The following NELL1 variants were observed in gnomAD, a reference collection of about 807,000 sequenced individuals.
The protein encoded by NELL1 is protein kinase C-binding protein NELL1.
A neutral mutation model predicts 107.4 loss-of-function variants in NELL1; 76 were observed. The ratio of observed to expected loss-of-function variants is 0.71; its 90% CI spans 0.59 to 0.86. The LOEUF is 0.86. Among genes scored for constraint, NELL1 ranks in the 40% least tolerant of loss-of-function variants. The probability of loss-of-function intolerance (pLI) is 0.00; values close to 1 mark genes in which losing one functional copy is unlikely to be tolerated. For missense variants in NELL1, 1,024 were observed against 1,005.5 expected, an observed-to-expected ratio of 1.02 and a Z score of -0.25; for synonymous variants, 353 against 341.2, an observed-to-expected ratio of 1.03 and a Z score of -0.38.
rs748479379 is a variant in NELL1, at chr11:20,960,559, A to G, written c.1299A>G (p.Glu433=). 2.3e-5 allele frequency: 37 copies of G among 1,613,666 alleles called. No individual in the cohort carries two copies. The East Asian group carries it at 8.2e-4, about 36-fold the overall frequency. Residue 433 remains glutamate (E), a splice_region_variant and synonymous_variant, in exon 12 of 20, where the codon GAA becomes GAG. Coordinates refer to ENST00000357134, the MANE Select transcript of NELL1 (RefSeq NM_006157.5). ...TCCAGGGAGACTCTGCCTACTGTGA[A>G]GGTAAGTAAGCTATTTAATGAAGTC... The part of the protein sequence containing the change: ...ISVQGDSAYC[E]DIDECAAKMH...
intron 2 of NELL1, among the ~76,000 whole-genome samples, chr11:20,774,468 G>A (rs1403960324): frequency 6.6e-6 from 1 of 151,070 alleles, no homozygotes; most frequent in Admixed American, 6.6e-5. Flanking sequence ...CTGGGCTCAT[G>A]TTATCCTCCG....
At chr11:20,971,399 G>A (rs1851498633) in intron 12 of NELL1, among the ~76,000 whole-genome samples, 1 of 152,188 alleles carries the variant, frequency 6.6e-6, no homozygotes, top group African/African-American at 2.4e-5. Flanking sequence ...TCAGGGACAA[G>A]TCCAAGTTTT....
chr11:20,905,346 CA>C (rs1849972474), intron 5 of NELL1, among the ~76,000 whole-genome samples: 1 of 152,004 alleles, frequency 6.6e-6, no homozygotes, highest in South Asian at 2.1e-4. Context: ...TTATAACATC[CA>C]AATGTTCAGT....
chr11:21,295,260 A>T (rs977573050), intron 14 of NELL1, among the ~76,000 whole-genome samples: 2 of 152,072 alleles, frequency 1.3e-5, no homozygotes, highest in African/African-American at 2.4e-5. Flanking sequence ...AGGGCACTGG[A>T]GTATAACCAT....
chr11:21,431,435 T>C (rs879430759), intron 15 of NELL1, among the ~76,000 whole-genome samples: 9 of 152,188 alleles, frequency 5.9e-5, no homozygotes, highest in South Asian at 2.1e-4. Context: ...TCACTAATAT[T>C]TCCCAAGTAC....
intron 14 of NELL1, among the ~76,000 whole-genome samples, chr11:21,326,063 T>G (rs1565169133): frequency 2.2e-5 from 2 of 92,380 alleles, no homozygotes; most frequent in Non-Finnish European, 4.5e-5. Flanking sequence ...TTTTTTTTTT[T>G]TTTTTTTTTT....
At chr11:20,931,400 G>A (rs1056062231) in intron 9 of NELL1, among the ~76,000 whole-genome samples, 1 of 152,184 alleles carries the variant, frequency 6.6e-6, no homozygotes. Context: ...TGTTTCCAAT[G>A]TCTTCACATC....
At chr11:21,029,464 C>T (rs188363603) in intron 12 of NELL1, among the ~76,000 whole-genome samples, 1 of 152,060 alleles carries the variant, frequency 6.6e-6, no homozygotes, top group Non-Finnish European at 1.5e-5. Flanking sequence ...CTCCTCCTCT[C>T]CCTCACAATC....
intron 10 of NELL1, 85 bp from the exon 11 acceptor site, chr11:20,947,251 A>G: frequency 1.2e-6 from 1 of 844,894 alleles, no homozygotes; most frequent in Admixed American, 1.8e-5. Flanking sequence ...TTATCACTGC[A>G]GGCTATTAAC....
chr11:21,481,598 G>C (rs1386246585), intron 15 of NELL1, among the ~76,000 whole-genome samples: 7 of 152,170 alleles, frequency 4.6e-5, no homozygotes, highest in South Asian at 2.1e-4. Flanking sequence ...AGATATTAAA[G>C]CTGGAGTCAA....
intron 14 of NELL1, among the ~76,000 whole-genome samples, chr11:21,275,580 T>G (rs1263905256): frequency 6.6e-6 from 1 of 152,132 alleles, no homozygotes; most frequent in Non-Finnish European, 1.5e-5. Context: ...TACCAAAGCC[T>G]GGCAGAGACA....
intron 14 of NELL1, among the ~76,000 whole-genome samples, chr11:21,292,361 C>A (rs895210790): frequency 6.6e-6 from 1 of 152,150 alleles, no homozygotes; most frequent in African/African-American, 2.4e-5. Context: ...CCTAGGAATA[C>A]AACTTATGAG....
Position 21,575,097 on chromosome 11 carries a change from G to T in NELL1, c.*75G>T. On this transcript the variant is annotated 3_prime_UTR_variant, in exon 20 of 20. Coordinates refer to ENST00000357134, the MANE Select transcript of NELL1 (RefSeq NM_006157.5). ...ACGTGATTAAGGATAGGAATCGGTA[G>T]TTTGGTTTTTTTGTTTGTTTTGTTT... 1 of 1,333,694 alleles carries T rather than the reference G, an allele frequency of 7.5e-7. No individual in the cohort carries two copies. The highest frequency in any genetic ancestry group is 1.1e-6 in the Non-Finnish European group (1 of 931,604). The allele number at this position is 1,333,694 out of a possible 1,614,324, so 82.6% of individuals were successfully genotyped here. A position where few individuals can be genotyped will look rare whatever the true frequency, so the allele number is the denominator to read the frequency against.
intron 9 of NELL1, among the ~76,000 whole-genome samples, chr11:20,928,719 T>C (rs58526755): frequency 0.011 from 1,678 of 152,280 alleles, 35 homozygotes; most frequent in African/African-American, 0.038. Flanking sequence ...CTATTCTTCT[T>C]TCATTCTATG....
chr11:20,926,562 A>G (rs1850500539), intron 7 of NELL1, among the ~76,000 whole-genome samples: 1 of 152,216 alleles, frequency 6.6e-6, no homozygotes, highest in South Asian at 2.1e-4. Context: ...GGAGATGTAC[A>G]AAGGCTAGAT....
At chr11:21,392,430 A>G (rs1326759484) in intron 15 of NELL1, among the ~76,000 whole-genome samples, 1 of 151,288 alleles carries the variant, frequency 6.6e-6, no homozygotes, top group East Asian at 2.0e-4. Context: ...TCATTCATCC[A>G]CCTCTTTTCT....
At chr11:21,196,215 G>A (rs879433638) in intron 13 of NELL1, among the ~76,000 whole-genome samples, 8 of 152,118 alleles carry the variant, frequency 5.3e-5, no homozygotes, top group Admixed American at 4.6e-4. Context: ...CCAGCCACTT[G>A]CTGAGCATGT....
At chr11:20,999,429 A>G (rs1408314209) in intron 12 of NELL1, among the ~76,000 whole-genome samples, 2 of 152,110 alleles carry the variant, frequency 1.3e-5, no homozygotes, top group African/African-American at 4.8e-5. Flanking sequence ...AATGGTGACA[A>G]CCACCTGTTG....
At chr11:21,271,499 CA>C (rs1164070521) in intron 14 of NELL1, among the ~76,000 whole-genome samples, 1 of 152,162 alleles carries the variant, frequency 6.6e-6, no homozygotes, top group Non-Finnish European at 1.5e-5. Flanking sequence ...CAGTTTCAAA[CA>C]GAAGCACCAG....
Sources: allele counts gnomAD v4.1 joint callset (sites outside exome capture counted in the v4.1 genomes callset), GRCh38; gene constraint gnomAD v4.1.1; transcripts MANE v1.5; gene names NCBI Gene and HGNC (gene_info 2026-07-23, HGNC 2026-07-21).